Variants in KRT6A observed in about 807,000 individuals in gnomAD.
KRT6A encodes keratin, type II cytoskeletal 6A.
KRT6A carries 28 observed loss-of-function variants against 48.6 expected under a neutral mutation model. The ratio of observed to expected loss-of-function variants is 0.58; its 90% confidence interval spans 0.43 to 0.79. The LOEUF is 0.79. KRT6A is among the 30% of genes least tolerant of loss of function. The pLI, the probability that KRT6A is intolerant of heterozygous loss-of-function variation, is 0.00. For synonymous variants in KRT6A, 301 were observed against 294.2 expected, an observed-to-expected ratio of 1.02 and a Z score of -0.24; for missense variants, 687 against 724.3, an observed-to-expected ratio of 0.95 and a Z score of 0.59.
In KRT6A at chr12:52,493,072, G is replaced by T. The variant is rs1205425461; in HGVS notation, c.117C>A (p.Ser39=). The change falls in exon 1 of 9, where the codon TCC becomes TCA. Residue 39 remains serine (S), a synonymous_variant. Coordinates refer to ENST00000330722, the MANE Select transcript of KRT6A (RefSeq NM_005554.4). The part of the protein sequence containing the change: ...SRSGFSSVSV[S]RSRGSGGLGG... ...CCAGGCCACCACTGCCCCTGGAGCG[G>T]GACACGGAGACGCTGCTGAAGCCAG... The T allele has an allele frequency of 1.2e-6, 2 of 1,613,278 alleles. No individual in the cohort carries two copies. Among genetic ancestry groups the T allele is most frequent in the Non-Finnish European group, 1.7e-6 (2 of 1,180,022 alleles).
At chr12:52,491,015 T>C in intron 3 of KRT6A, 62 bp from the exon 4 acceptor site, 1 of 1,613,902 alleles carries the variant, frequency 6.2e-7, no homozygotes, top group South Asian at 1.1e-5. Flanking sequence ...ACCCATCTTC[T>C]AGTCTCCATG....
intron 1 of KRT6A, 125 bp downstream of exon 1, chr12:52,492,524 G>A: frequency 1.3e-6 from 2 of 1,552,228 alleles, no homozygotes; most frequent in Non-Finnish European, 1.8e-6. Context: ...GCAGCCATCT[G>A]CACTCTCTGC....
intron 2 of KRT6A, 83 bp from the exon 3 acceptor site, chr12:52,491,255 G>A (rs554572023): frequency 1.1e-4 from 180 of 1,607,024 alleles, no homozygotes; most frequent in Middle Eastern, 6.6e-4. Context: ...ACATTTTCCC[G>A]AATGGAATAT....
chr12:52,492,706 A>G lies in KRT6A; in HGVS notation c.483T>C (p.Ala161=), dbSNP rs711317. Residue 161 remains alanine, a synonymous_variant, in exon 1 of 9, where the codon GCT becomes GCC. Transcript: ENST00000330722. ...QIDPTIQRVR[A]EEREQIKTLN... ...GGGTCTTGATCTGTTCACGCTCCTCAGCCCGCACCCGCTGGATGGTGGGAT... is the reference window on the plus strand; with the variant it reads ...GGGTCTTGATCTGTTCACGCTCCTCGGCCCGCACCCGCTGGATGGTGGGAT... 895,238 of 1,613,506 alleles carry G rather than the reference A, an allele frequency of 0.55. 255,800 individuals carry two copies. The highest frequency in any genetic ancestry group is 0.68 in the East Asian group (30,532 of 44,844).
At position 52,490,010 on chromosome 12, in the gene KRT6A, T is replaced by C. The variant is rs1938230111; in HGVS notation, c.1136A>G (p.Gln379Arg). The C allele has an allele frequency of 6.2e-7, 1 of 1,613,976 alleles. No homozygotes were observed. The highest frequency in any genetic ancestry group is 8.5e-7 in the Non-Finnish European group (1 of 1,180,040). ...CATGCGGTTGATCTCAGCAATCTCC[T>C]GCTTGGTGTTGCGCAGGTCGTCCCC... is the stretch of plus-strand genomic sequence containing the variant. ...RHGDDLRNTK[Q>R]EIAEINRMIQ... The change falls in exon 6 of 9, where the codon CAG (glutamine) becomes CGG (arginine). Residue 379 changes from glutamine (Q) to arginine (R), a missense_variant. Gln to Arg is a conservative substitution (Grantham distance 43). Around this residue, in one of 3 missense-constraint regions of KRT6A, gnomAD observed 566 missense variants for 565.3 expected, o/e 1.00. Coordinates refer to ENST00000330722, the MANE Select transcript of KRT6A (RefSeq NM_005554.4).
In KRT6A at chr12:52,490,967, C is replaced by G. The variant is rs762210369; in HGVS notation, c.817-14G>C. 6.2e-7 allele frequency: 1 copy of G among 1,613,866 alleles called. No homozygotes were observed. Among genetic ancestry groups the G allele is most frequent in the South Asian group, 1.1e-5 (1 of 91,058 alleles). On this transcript the variant is annotated splice_polypyrimidine_tract_variant and intron_variant, in intron 3 of 8. Coordinates refer to ENST00000330722, the MANE Select transcript of KRT6A (RefSeq NM_005554.4). ...AGCATCCACATCCTGGGGAAAGAGC[C>G]AACAACCTGGAGTTACCTGAGCTCA... is the stretch of plus-strand genomic sequence containing the variant.
In KRT6A at chr12:52,487,865, T is replaced by C; in HGVS notation, c.1550A>G (p.Tyr517Cys). 3 of 1,613,968 alleles carry C rather than the reference T, an allele frequency of 1.9e-6. No individual in the cohort carries two copies. The highest frequency in any genetic ancestry group is 1.1e-5 in the South Asian group (1 of 91,072). The change falls in exon 9 of 9, where the codon TAT becomes TGT. Residue 517 changes from tyrosine to cysteine, a missense_variant. This residue lies in a region of KRT6A where 566 missense variants were observed against 565.3 expected (regional missense o/e 1.00). Transcript: ENST00000330722. The part of the protein sequence containing the change: ...LGLGGGSSYS[Y>C]GSGLGVGGGF... ...ACCTCCAACGCCAAGACCACTGCCA[T>C]AGGAGTAGCTGCTTCCTCCACCCAG...
intron 1 of KRT6A, among the ~76,000 whole-genome samples, chr12:52,492,134 C>G (rs1284243015): frequency 6.6e-6 from 1 of 152,192 alleles, no homozygotes; most frequent in Non-Finnish European, 1.5e-5. Flanking sequence ...TGATTCCCGT[C>G]TTATTTCCCA....
chr12:52,489,787 T>C, intron 6 of KRT6A, 156 bp downstream of exon 6: 4 of 1,200,958 alleles, frequency 3.3e-6, no homozygotes, highest in Non-Finnish European at 4.8e-6. Flanking sequence ...AGGATCTATG[T>C]CTCCTAAGCA....
chr12:52,493,220 G>A lies in KRT6A; in HGVS notation c.-32C>T, dbSNP rs1300917629. 6.8e-6 allele frequency: 11 copies of A among 1,614,092 alleles called. No homozygotes were observed. Among genetic ancestry groups the A allele is most frequent in the Non-Finnish European group, 9.3e-6 (11 of 1,180,004 alleles). On this transcript the variant is annotated 5_prime_UTR_variant, in exon 1 of 9. Transcript: ENST00000330722. ...AGGAGATGAGAGAGCTGAGGAGAGT[G>A]TGAGAGGCTGGAGGAGAGAGGGAAG...
At chr12:52,492,525 C>T (rs982502217) in intron 1 of KRT6A, 124 bp downstream of exon 1, 13 of 1,558,226 alleles carry the variant, frequency 8.3e-6, no homozygotes, top group Non-Finnish European at 1.1e-5. Context: ...CAGCCATCTG[C>T]ACTCTCTGCA....
chr12:52,489,694 T>C (rs563434738), intron 6 of KRT6A, among the ~76,000 whole-genome samples: 1 of 152,312 alleles, frequency 6.6e-6, no homozygotes, highest in South Asian at 2.1e-4. Flanking sequence ...GCCAAAATAC[T>C]GGACACTCCT....
rs763207529 is a variant in KRT6A at position 52,488,488 on chromosome 12, C to T, written c.1264G>A (p.Asp422Asn). ...AGCCCTTCCAGCTTGTTCTTGGCAT[C>T]CTTGAGGGCCATCTCCCCACGCTGC... ...AEQRGEMALK[D>N]AKNKLEGLED... The change falls in exon 7 of 9, where the codon GAT becomes AAT. Residue 422 changes from aspartate (D) to asparagine (N), a missense_variant. Physicochemically the swap from Asp to Asn is conservative, Grantham distance 23. Coordinates refer to ENST00000330722, the MANE Select transcript of KRT6A (RefSeq NM_005554.4). 2 of 1,614,142 alleles carry T rather than the reference C, an allele frequency of 1.2e-6. No homozygotes were observed. Among genetic ancestry groups the T allele is most frequent in the South Asian group, 2.2e-5 (2 of 91,076 alleles).
At chr12:52,489,390 T>C (rs1938211644) in intron 6 of KRT6A, among the ~76,000 whole-genome samples, 1 of 152,150 alleles carries the variant, frequency 6.6e-6, no homozygotes, top group Non-Finnish European at 1.5e-5. Flanking sequence ...GCGATTCTCC[T>C]GCTTCAGTCT....
At chr12:52,488,169 C>T (rs1443865783) in intron 7 of KRT6A, 66 bp from the exon 8 acceptor site, 2 of 1,613,750 alleles carry the variant, frequency 1.2e-6, no homozygotes, top group African/African-American at 2.7e-5. Flanking sequence ...CCAGCGTGGG[C>T]AGCCTCGGTG....
At chr12:52,488,578 G>C in intron 6 of KRT6A, 30 bp from the exon 7 acceptor site, 1 of 1,613,256 alleles carries the variant, frequency 6.2e-7, no homozygotes, top group South Asian at 1.1e-5. Context: ...GAAGAAACTT[G>C]TCATCCGGTC....
In KRT6A at chr12:52,490,928, T is replaced by G. The variant is rs1417980421; in HGVS notation, c.842A>C (p.Lys281Thr). Residue 281 changes from lysine (K) to threonine (T), a missense_variant, in exon 4 of 9, where the codon AAG (lysine) becomes ACG (threonine). Physicochemically the swap from Lys to Thr is moderately conservative, Grantham distance 78 (BLOSUM62 -1). Transcript: ENST00000330722. ...GTCTGCCTTGGCTTGCAGTTCAACC[T>G]TGTTCATGTAGGCAGCATCCACATC... Reference protein sequence around the residue: ...KKDVDAAYMNKVELQAKADTL... With the variant: ...KKDVDAAYMNTVELQAKADTL... 3 of 1,613,858 alleles carry G rather than the reference T, an allele frequency of 1.9e-6. No homozygotes were observed. The highest frequency in any genetic ancestry group is 2.5e-6 in the Non-Finnish European group (3 of 1,179,900).
Position 52,487,625 on chromosome 12 carries a change from A to C in KRT6A, c.*95T>G. 6.7e-7 allele frequency: 1 copy of C among 1,490,476 alleles called. No homozygotes were observed. Among genetic ancestry groups the C allele is most frequent in the Non-Finnish European group, 9.3e-7 (1 of 1,075,212 alleles). 92.3% of individuals were successfully genotyped at this position (1,490,476 alleles called of 1,614,324 possible). ...AGCTCTACCTGGGACAGCAGGGGAG[A>C]CTGGAGGCCAGGAGAGGAAAGGCAA... is the stretch of plus-strand genomic sequence containing the variant. On this transcript the variant is annotated 3_prime_UTR_variant, in exon 9 of 9. Coordinates refer to ENST00000330722, the MANE Select transcript of KRT6A (RefSeq NM_005554.4).
In KRT6A at chr12:52,489,796, C is replaced by T. The variant is rs545437691; in HGVS notation, c.1203+147G>A. 1.2e-3 allele frequency: 1,634 copies of T among 1,309,258 alleles called. 3 individuals carry two copies. The highest frequency in any genetic ancestry group is 1.6e-3 in the Non-Finnish European group (1,528 of 929,768). 81.1% of individuals were successfully genotyped at this position (1,309,258 alleles called of 1,614,324 possible). On this transcript the variant is annotated intron_variant, in intron 6 of 8. Transcript: ENST00000330722. ...ATAGGTAGGATCTATGTCTCCTAAG[C>T]AGCAGGTACCCACTAAGGGTAGGAA...
Sources: allele counts gnomAD v4.1 joint callset (sites outside exome capture counted in the v4.1 genomes callset), GRCh38; gene constraint gnomAD v4.1.1; regional missense constraint gnomAD v4.1.1; transcripts MANE v1.5; gene names NCBI Gene and HGNC (gene_info 2026-07-23, HGNC 2026-07-21).